Variants in MFHAS1 observed in about 807,000 individuals in gnomAD.
MFHAS1 encodes the protein malignant fibrous histiocytoma-amplified sequence 1.
In MFHAS1, 50 loss-of-function variants were observed where a neutral mutation model predicts 70.4. That is an observed-to-expected ratio of 0.71 (90% confidence interval 0.57 to 0.90). MFHAS1 has a LOEUF of 0.90. MFHAS1 is among the 40% of genes least tolerant of loss of function. The pLI is 0.00. For synonymous variants in MFHAS1, 952 were observed against 620.0 expected, an observed-to-expected ratio of 1.54 and a Z score of -7.96; for missense variants, 1,795 against 1,347.6, an observed-to-expected ratio of 1.33 and a Z score of -5.20.
intron 1 of MFHAS1, among the ~76,000 whole-genome samples, chr8:8,800,639 T>TA (rs1191038483): frequency 6.6e-6 from 1 of 152,186 alleles, no homozygotes; most frequent in Non-Finnish European, 1.5e-5. Context: ...TGCCCTCACC[T>TA]AGCTCCTTGC....
At chr8:8,828,537 C>T (rs907479390) in intron 1 of MFHAS1, among the ~76,000 whole-genome samples, 1 of 152,184 alleles carries the variant, frequency 6.6e-6, no homozygotes, top group Non-Finnish European at 1.5e-5. Context: ...ACATTGCTCA[C>T]ACCATTACCT....
At chr8:8,867,465 T>A (rs564766706) in intron 1 of MFHAS1, among the ~76,000 whole-genome samples, 40 of 152,270 alleles carry the variant, frequency 2.6e-4, no homozygotes, top group African/African-American at 7.2e-4. Flanking sequence ...ATGTTTCTAC[T>A]CTTTTATTAT....
At chr8:8,815,963 C>A (rs1482905332) in intron 1 of MFHAS1, among the ~76,000 whole-genome samples, 2 of 152,156 alleles carry the variant, frequency 1.3e-5, no homozygotes, top group Non-Finnish European at 2.9e-5. Flanking sequence ...CAATAGACTA[C>A]TATCTAGGAA....
chr8:8,855,622 G>A (rs185843713), intron 1 of MFHAS1, among the ~76,000 whole-genome samples: 31 of 152,256 alleles, frequency 2.0e-4, no homozygotes, highest in Admixed American at 4.6e-4. Context: ...TTGGTAGGCC[G>A]AGGCGGGTGG....
Position 8,890,849 on chromosome 8 carries a change from A to AG in MFHAS1, c.2209dup (p.Leu737ProfsTer15). On this transcript the variant is annotated frameshift_variant, in exon 1 of 3. Transcript: ENST00000276282. LOFTEE classifies it high-confidence loss of function. Reference sequence around the variant, plus strand: ...GGGATCCCTCTGGAAGAAGACATTGAGGATGTCGATGAGGCGGGTGAGGTT... The same window carrying AG: ...GGGATCCCTCTGGAAGAAGACATTGAGGGATGTCGATGAGGCGGGTGAGGTT... 1 of 1,614,188 alleles carries AG rather than the reference A, an allele frequency of 6.2e-7. No individual in the cohort carries two copies. The highest frequency in any genetic ancestry group is 8.5e-7 in the Non-Finnish European group (1 of 1,180,034).
chr8:8,874,430 T>C (rs762680706), intron 1 of MFHAS1, among the ~76,000 whole-genome samples: 1 of 152,150 alleles, frequency 6.6e-6, no homozygotes, highest in Non-Finnish European at 1.5e-5. Context: ...CTCAAAAATA[T>C]ATTTTGAAGT....
At chr8:8,860,290 C>T (rs1027684665) in intron 1 of MFHAS1, among the ~76,000 whole-genome samples, 1 of 152,182 alleles carries the variant, frequency 6.6e-6, no homozygotes, top group African/African-American at 2.4e-5. Context: ...GACTGTGCTA[C>T]GCGTCAACAA....
rs79929965 is a variant in MFHAS1, at chr8:8,873,885, C to T, written c.2998+16176G>A. Among the ~76,000 whole-genome samples the T allele has an allele frequency of 7.0e-3, 1,064 of 152,286 alleles. 19 individuals are homozygous for T. Among genetic ancestry groups the T allele is most frequent in the African/African-American group, 0.025 (1,026 of 41,554 alleles). On this transcript the variant is annotated intron_variant, in intron 1 of 2. Coordinates refer to ENST00000276282, the MANE Select transcript of MFHAS1 (RefSeq NM_004225.3). ...TGTTTTATTTTGATCAGCGGTATAT[C>T]TATCTGTAAACATGTACAATTTGTA...
intron 1 of MFHAS1, among the ~76,000 whole-genome samples, chr8:8,873,059 T>C (rs1455173268): frequency 3.3e-5 from 5 of 152,186 alleles, no homozygotes; most frequent in Admixed American, 1.3e-4. Flanking sequence ...CTTATTACTG[T>C]ACCTTGGGCA....
chr8:8,874,213 G>C (rs1459065865), intron 1 of MFHAS1, among the ~76,000 whole-genome samples: 1 of 152,084 alleles, frequency 6.6e-6, no homozygotes, highest in Non-Finnish European at 1.5e-5. Flanking sequence ...GGAAGGTGGA[G>C]AACGTACTTA....
At chr8:8,808,908 G>A (rs1563183262) in intron 1 of MFHAS1, among the ~76,000 whole-genome samples, 2 of 152,136 alleles carry the variant, frequency 1.3e-5, no homozygotes, top group Non-Finnish European at 2.9e-5. Context: ...ACGCGTCCAT[G>A]GGCAGCACAG....
At position 8,788,571 on chromosome 8, in the gene MFHAS1, CG is replaced by C. The variant is rs570057003; in HGVS notation, c.3126-2517del. Among the ~76,000 whole-genome samples, 903 of 152,162 alleles carry C rather than the reference CG, an allele frequency of 5.9e-3. 11 individuals carry two copies. Among genetic ancestry groups the C allele is most frequent in the African/African-American group, 0.021 (853 of 41,504 alleles). On this transcript the variant is annotated intron_variant, in intron 2 of 2. Coordinates refer to ENST00000276282, the MANE Select transcript of MFHAS1 (RefSeq NM_004225.3). ...GTGCATGCCTGTAGTCCCAGCTACT[CG>C]GGGGGCTGAGGCAGGATAATTGCTT... is the stretch of plus-strand genomic sequence containing the variant.
chr8:8,791,892 C>T (rs1003079694), intron 2 of MFHAS1, among the ~76,000 whole-genome samples: 4 of 152,146 alleles, frequency 2.6e-5, no homozygotes, highest in Non-Finnish European at 4.4e-5. Context: ...CAAGATAAGC[C>T]ACTGCCTTTA....
chr8:8,872,263 T>C (rs555914162), intron 1 of MFHAS1, among the ~76,000 whole-genome samples: 1 of 152,308 alleles, frequency 6.6e-6, no homozygotes, highest in African/African-American at 2.4e-5. Context: ...ATGTACACCG[T>C]TCTAATTCCT....
chr8:8,807,234 T>C (rs565122350), intron 1 of MFHAS1, among the ~76,000 whole-genome samples: 303 of 152,220 alleles, frequency 2.0e-3, no homozygotes, highest in Non-Finnish European at 2.9e-3. Context: ...ACATAAATGC[T>C]TTCTATGCCC....
At chr8:8,808,566 T>A (rs1017703837) in intron 1 of MFHAS1, among the ~76,000 whole-genome samples, 1 of 151,970 alleles carries the variant, frequency 6.6e-6, no homozygotes, top group Admixed American at 6.6e-5. Flanking sequence ...AGAAAAAAAA[T>A]TGCATGCTGA....
At chr8:8,863,594 A>G (rs1431436010) in intron 1 of MFHAS1, among the ~76,000 whole-genome samples, 1 of 152,140 alleles carries the variant, frequency 6.6e-6, no homozygotes, top group Admixed American at 6.5e-5. Flanking sequence ...TCCAGACCAT[A>G]TCATTAAAAT....
At chr8:8,831,914 C>A (rs1276743446) in intron 1 of MFHAS1, among the ~76,000 whole-genome samples, 1 of 152,110 alleles carries the variant, frequency 6.6e-6, no homozygotes, top group Non-Finnish European at 1.5e-5. Flanking sequence ...CCCCAGCCGT[C>A]AATTGATTTT....
chr8:8,857,550 A>G (rs1279879067), intron 1 of MFHAS1, among the ~76,000 whole-genome samples: 1 of 152,100 alleles, frequency 6.6e-6, no homozygotes, highest in Non-Finnish European at 1.5e-5. Context: ...CAAGGTCAGG[A>G]GCTCGAGACC....
Sources: gnomAD v4.1 joint callset for allele counts (sites outside exome capture counted in the v4.1 genomes callset) on GRCh38, gnomAD v4.1.1 for gene constraint, MANE v1.5 for transcripts, NCBI Gene and HGNC (gene_info 2026-07-23, HGNC 2026-07-21) for gene names.